Variants in TRIM2 observed in about 807,000 individuals in gnomAD.
TRIM2 encodes tripartite motif-containing protein 2.
Under a neutral mutation model 75.2 loss-of-function variants are expected in TRIM2, and 20 were observed. The observed-to-expected ratio is 0.27, with a 90% CI of 0.19 to 0.39. The LOEUF (loss-of-function observed/expected upper bound fraction) is 0.39, where lower values mean the gene tolerates loss of function less well. TRIM2 is among the 10% of genes least tolerant of loss of function. The pLI is 1.00. For missense variants in TRIM2, 660 were observed against 990.8 expected, an observed-to-expected ratio of 0.67 and a Z score of 4.48; for synonymous variants, 373 against 388.3, an observed-to-expected ratio of 0.96 and a Z score of 0.46.
intron 6 of TRIM2, among the ~76,000 whole-genome samples, chr4:153,298,021 G>A (rs1763098575): frequency 6.6e-6 from 1 of 152,058 alleles, no homozygotes; most frequent in African/African-American, 2.4e-5. Context: ...TGTCTTTCAG[G>A]AGTTTCCTGT....
intron 1 of TRIM2, among the ~76,000 whole-genome samples, chr4:153,239,050 T>A (rs1164112536): frequency 6.6e-6 from 1 of 152,138 alleles, no homozygotes; most frequent in African/African-American, 2.4e-5. Context: ...TCAGTCTCCT[T>A]AGTTAGAAAA....
intron 2 of TRIM2, among the ~76,000 whole-genome samples, chr4:153,273,558 G>A (rs1757371868): frequency 1.3e-5 from 2 of 150,548 alleles, no homozygotes; most frequent in South Asian, 4.2e-4. Context: ...CTCCCAGAGT[G>A]CTGGCATTAC....
chr4:153,194,327 C>T lies in TRIM2; in HGVS notation c.-49+41057C>T, dbSNP rs545501393. 4.6e-5 allele frequency among the ~76,000 whole-genome samples: 7 copies of T among 152,230 alleles called. No individual in the cohort carries two copies. In the South Asian group the frequency reaches 1.0e-3, roughly 23 times the overall value. ...TGTGGTATGTGCATATAAAGAAACA[C>T]TGCTTAGAAATAAAGAGAATGAACA... On this transcript the variant is annotated intron_variant, in intron 1 of 11. Transcript: ENST00000437508.
chr4:153,307,778 C>T, intron 6 of TRIM2: 1 of 702,996 alleles, frequency 1.4e-6, no homozygotes, highest in East Asian at 2.7e-5. Context: ...ATCTCCACCA[C>T]ACAGGTACAG....
chr4:153,182,930 T>C (rs1191884040), intron 1 of TRIM2, among the ~76,000 whole-genome samples: 1 of 152,200 alleles, frequency 6.6e-6, no homozygotes, highest in African/African-American at 2.4e-5. Context: ...TCAGAGCCAC[T>C]GTCCCAGGCC....
intron 1 of TRIM2, among the ~76,000 whole-genome samples, chr4:153,261,213 G>A (rs1753486576): frequency 6.6e-6 from 1 of 152,170 alleles, no homozygotes. Context: ...CTTGAGCCCA[G>A]GAGTTCGAGA....
chr4:153,281,989 G>T lies in TRIM2; in HGVS notation c.453+5859G>T, dbSNP rs550941460. 3.3e-5 allele frequency among the ~76,000 whole-genome samples: 5 copies of T among 152,306 alleles called. No homozygotes were observed. In the East Asian group the frequency reaches 7.7e-4, roughly 23 times the overall value. ...TTCCATATCAGGATCAACTGTCAGT[G>T]CCCTTAAGAAGCCAAGCCTCAGGGT... On this transcript the variant is annotated intron_variant, in intron 3 of 11. Transcript: ENST00000338700.
At chr4:153,304,831 T>C (rs186161243) in intron 6 of TRIM2, among the ~76,000 whole-genome samples, 81 of 152,326 alleles carry the variant, frequency 5.3e-4, no homozygotes, top group African/African-American at 1.7e-3. Flanking sequence ...TTGGAAACCA[T>C]AGTTATTATA....
At chr4:153,235,875 C>A (rs1744901564) in intron 1 of TRIM2, among the ~76,000 whole-genome samples, 2 of 152,132 alleles carry the variant, frequency 1.3e-5, no homozygotes, top group African/African-American at 4.8e-5. Context: ...CTGCCAACAT[C>A]CTGTGCTCAC....
intron 1 of TRIM2, among the ~76,000 whole-genome samples, chr4:153,256,051 C>A (rs112115268): frequency 1.3e-3 from 204 of 152,054 alleles, no homozygotes; most frequent in African/African-American, 4.8e-3. Flanking sequence ...AATAGTTGCC[C>A]ACATCTATGA....
rs1437586456 is a variant in TRIM2, at chr4:153,248,843, C to T, written c.31-21492C>T. Among the ~76,000 whole-genome samples, 1 of 152,214 alleles carries T rather than the reference C, an allele frequency of 6.6e-6. No individual in the cohort carries two copies. Among genetic ancestry groups the T allele is most frequent in the Non-Finnish European group, 1.5e-5 (1 of 68,030 alleles). On this transcript the variant is annotated intron_variant, in intron 1 of 11. Transcript: ENST00000338700. The surrounding 1 kb of genome is among the most constrained non-coding windows in gnomAD (Gnocchi z 4.0). ...CTGTCCTCTGATTAGCTCCCTCTGC[C>T]AAGGTGCCCAGGCTCCTACTTCAGT... is the stretch of plus-strand genomic sequence containing the variant.
rs1382947971 is a variant in TRIM2, at chr4:153,338,292, A to C, written c.*3326A>C. ...AGGAAGTAGTAAATAAACATTAGGTAATCTGCAGATTACTTCAAATGGGAA... is the reference window on the plus strand; with the variant it reads ...AGGAAGTAGTAAATAAACATTAGGTCATCTGCAGATTACTTCAAATGGGAA... On this transcript the variant is annotated 3_prime_UTR_variant, in exon 12 of 12. Transcript: ENST00000338700. 8 of 985,734 alleles carry C rather than the reference A, an allele frequency of 8.1e-6. No homozygotes were observed. The highest frequency in any genetic ancestry group is 8.4e-6 in the Non-Finnish European group (7 of 829,928). The allele number at this position is 985,734 out of a possible 1,614,324, so 61.1% of individuals were successfully genotyped here.
intron 1 of TRIM2, chr4:153,156,623 T>C (rs1729257077): frequency 6.6e-6 from 1 of 152,124 alleles, no homozygotes; most frequent in Non-Finnish European, 1.5e-5. Flanking sequence ...ATCATATATA[T>C]AAGCTTATAA....
intron 1 of TRIM2, among the ~76,000 whole-genome samples, chr4:153,189,647 C>G (rs1732983115): frequency 6.6e-6 from 1 of 152,240 alleles, no homozygotes; most frequent in South Asian, 2.1e-4. Flanking sequence ...CTCTCAGGCT[C>G]ATGCCTCCCT....
chr4:153,330,541 T>G (rs535793049), intron 11 of TRIM2, among the ~76,000 whole-genome samples: 7 of 152,146 alleles, frequency 4.6e-5, no homozygotes, highest in Admixed American at 1.3e-4. Flanking sequence ...CTTGGGAGGC[T>G]GCCCTTTAAA....
chr4:153,224,491 G>A (rs1401633108), intron 1 of TRIM2, among the ~76,000 whole-genome samples: 1 of 152,224 alleles, frequency 6.6e-6, no homozygotes, highest in East Asian at 1.9e-4. Flanking sequence ...TTTCCTGGCA[G>A]CCTCCCTTTT....
rs569726808 is a variant in TRIM2, at chr4:153,337,763, T to C, written c.*2797T>C. The C allele has an allele frequency of 1.0e-6, 1 of 985,888 alleles. No homozygotes were observed. Among genetic ancestry groups the C allele is most frequent in the African/African-American group, 1.7e-5 (1 of 57,366 alleles). The allele number at this position is 985,888 out of a possible 1,614,324, so 61.1% of individuals were successfully genotyped here. ...TATTGTTTGATTTCTCTTTGTCAAG[T>C]GTATAGAACCTGTCATACATTCATG... On this transcript the variant is annotated 3_prime_UTR_variant, in exon 12 of 12. Coordinates refer to ENST00000338700, the MANE Select transcript of TRIM2 (RefSeq NM_015271.5).
intron 1 of TRIM2, among the ~76,000 whole-genome samples, chr4:153,244,439 T>TCTTCTTTC (rs1560876034): frequency 2.9e-5 from 3 of 104,210 alleles, no homozygotes; most frequent in African/African-American, 1.6e-4. Flanking sequence ...CTTCTTCTTT[T>TCTTCTTTC]AATTAGAGAG....
chr4:153,215,339 AGTCTG>A (rs1424274639), intron 1 of TRIM2, among the ~76,000 whole-genome samples: 3 of 152,026 alleles, frequency 2.0e-5, no homozygotes, highest in Non-Finnish European at 4.4e-5. Flanking sequence ...AAGGATCATG[AGTCTG>A]GGGCATGCAC....
Sources: gnomAD v4.1 joint callset for allele counts (sites outside exome capture counted in the v4.1 genomes callset) on GRCh38, gnomAD v4.1.1 for gene constraint, Gnocchi (gnomAD v3.1) non-coding constraint, MANE v1.5 for transcripts, NCBI Gene and HGNC (gene_info 2026-07-23, HGNC 2026-07-21) for gene names.